Variants in DYNC2H1 observed in about 807,000 individuals in gnomAD.
DYNC2H1 encodes dynein cytoplasmic 2 heavy chain 1.
A neutral mutation model predicts 570.0 loss-of-function variants in DYNC2H1; 410 were observed. That is an observed-to-expected ratio of 0.72 (90% CI 0.66 to 0.78). The LOEUF (loss-of-function observed/expected upper bound fraction) is 0.78, where lower values mean the gene tolerates loss of function less well. Ranked by LOEUF, DYNC2H1 falls within the 30% of genes least tolerant of loss-of-function variation. The pLI is 0.00. For missense variants in DYNC2H1, 4,865 were observed against 5,046.4 expected (o/e 0.96, Z 1.09); for synonymous variants, 1,688 against 1,677.6 (o/e 1.01, Z -0.15).
intron 50 of DYNC2H1, 71 bp downstream of exon 50, chr11:103,200,225 G>T: frequency 1.7e-6 from 2 of 1,184,164 alleles, no homozygotes; most frequent in African/African-American, 1.6e-5. Flanking sequence ...AAATTATCTT[G>T]TGCAAAATTT....
intron 78 of DYNC2H1, among the ~76,000 whole-genome samples, chr11:103,309,443 G>T (rs1289343824): frequency 6.8e-6 from 1 of 147,882 alleles, no homozygotes; most frequent in Non-Finnish European, 1.5e-5. Context: ...CAATTCTCTT[G>T]TCTTGGCTTC....
Position 103,129,750 on chromosome 11 carries a change from A to G in DYNC2H1, c.1953+745A>G, listed in dbSNP as rs1166055109. Among the ~76,000 whole-genome samples, 3 of 152,208 alleles carry G rather than the reference A, an allele frequency of 2.0e-5. No homozygotes were observed. Among genetic ancestry groups the G allele is most frequent in the Non-Finnish European group, 4.4e-5 (3 of 68,010 alleles). Reference sequence around the variant, plus strand: ...CATAATAGCGTTTAAACTGAATGTTACTATGTGACTACTAACTTTTTGAAG... The same window carrying G: ...CATAATAGCGTTTAAACTGAATGTTGCTATGTGACTACTAACTTTTTGAAG... On this transcript the variant is annotated intron_variant, in intron 13 of 88. Transcript: ENST00000375735. This position sits in a 1 kb window ranked among gnomAD's most constrained non-coding sequence, Gnocchi z 4.1.
intron 53 of DYNC2H1, among the ~76,000 whole-genome samples, chr11:103,211,319 T>C (rs1863146062): frequency 6.6e-6 from 1 of 152,092 alleles, no homozygotes; most frequent in South Asian, 2.1e-4. Flanking sequence ...TGATCATGGA[T>C]ATATTGAATC....
In DYNC2H1 at chr11:103,189,405, C is replaced by T. The variant is rs191402255; in HGVS notation, c.7293-267C>T. On this transcript the variant is annotated intron_variant, in intron 44 of 88. Coordinates refer to ENST00000375735, the MANE Select transcript of DYNC2H1 (RefSeq NM_001377.3). This position sits in a 1 kb window ranked among gnomAD's most constrained non-coding sequence, Gnocchi z 4.3. ...AGTAAAATTTTCCTTTTGGTCTTTT[C>T]TGAAGATCAGTGATATGTTTTAACA... is the stretch of plus-strand genomic sequence containing the variant. Among the ~76,000 whole-genome samples, 682 of 152,162 alleles carry T rather than the reference C, an allele frequency of 4.5e-3. 3 individuals carry two copies. Among genetic ancestry groups the T allele is most frequent in the Middle Eastern group, 0.02 (6 of 294 alleles).
chr11:103,288,008 G>A (rs752667123), intron 75 of DYNC2H1, among the ~76,000 whole-genome samples: 24 of 152,244 alleles, frequency 1.6e-4, no homozygotes, highest in Admixed American at 3.9e-4. Context: ...GTGCTGATTG[G>A]TCAGGTTGGA....
intron 83 of DYNC2H1, among the ~76,000 whole-genome samples, chr11:103,390,683 G>T (rs982289584): frequency 8.5e-5 from 13 of 152,156 alleles, no homozygotes; most frequent in African/African-American, 3.1e-4. Flanking sequence ...GCTCTTGTAG[G>T]GCAGGCCCGG....
intron 31 of DYNC2H1, among the ~76,000 whole-genome samples, chr11:103,166,990 C>CATTTT (rs776490313): frequency 1.8e-5 from 1 of 56,992 alleles, no homozygotes; most frequent in Non-Finnish European, 3.0e-5. Flanking sequence ...GAGGCGCTGC[C>CATTTT]TTTTTTTTTT....
At chr11:103,238,666 C>T (rs886682032) in intron 63 of DYNC2H1, among the ~76,000 whole-genome samples, 8 of 152,048 alleles carry the variant, frequency 5.3e-5, no homozygotes, top group African/African-American at 1.7e-4. Context: ...CTAAGAAAGG[C>T]TTTTGTGTCT....
At chr11:103,282,089 A>G in intron 71 of DYNC2H1, 90 bp from the exon 72 acceptor site, 1 of 1,168,084 alleles carries the variant, frequency 8.6e-7, no homozygotes, top group Non-Finnish European at 1.2e-6. Context: ...AGAAAAATGC[A>G]TTTTAAGCCA....
chr11:103,302,791 G>A (rs912282484), intron 75 of DYNC2H1, among the ~76,000 whole-genome samples: 1 of 152,088 alleles, frequency 6.6e-6, no homozygotes, highest in African/African-American at 2.4e-5. Flanking sequence ...CTACAGGCCT[G>A]TATTGTGGTC....
rs1565444154 is a variant in DYNC2H1, at chr11:103,264,383, C to T, written c.10695+4406C>T. On this transcript the variant is annotated intron_variant, in intron 70 of 88. Transcript: ENST00000375735. This position sits in a 1 kb window ranked among gnomAD's most constrained non-coding sequence, Gnocchi z 4.8. ...GACCAGGATCATCATGATACCACAA[C>T]GTGGCAGAAACACAACAAAAAAAGA... 6.6e-6 allele frequency among the ~76,000 whole-genome samples: 1 copy of T among 152,126 alleles called. No homozygotes were observed. Among genetic ancestry groups the T allele is most frequent in the Non-Finnish European group, 1.5e-5 (1 of 68,026 alleles).
intron 75 of DYNC2H1, among the ~76,000 whole-genome samples, chr11:103,295,944 T>G (rs564904137): frequency 6.6e-6 from 1 of 152,316 alleles, no homozygotes; most frequent in East Asian, 1.9e-4. Flanking sequence ...CCGAGGTCTC[T>G]CTGGTCCTCC....
intron 69 of DYNC2H1, among the ~76,000 whole-genome samples, chr11:103,258,189 GA>G (rs1441605163): frequency 1.3e-5 from 2 of 152,150 alleles, no homozygotes; most frequent in African/African-American, 4.8e-5. Context: ...CTAATGGAGG[GA>G]AGTATGTATT....
intron 83 of DYNC2H1, among the ~76,000 whole-genome samples, chr11:103,361,065 A>G (rs2135532129): frequency 6.6e-6 from 1 of 152,298 alleles, no homozygotes. Flanking sequence ...AACTGAAAGG[A>G]TGTCAGTGTG....
chr11:103,153,652 A>G (rs1380266409), intron 22 of DYNC2H1, 144 bp downstream of exon 22: 2 of 800,276 alleles, frequency 2.5e-6, no homozygotes, highest in Admixed American at 6.0e-5. Context: ...AAGCATTCAT[A>G]TACTGTTGTC....
Position 103,274,147 on chromosome 11 carries a change from T to C in DYNC2H1, c.10696-6201T>C, listed in dbSNP as rs527978857. Among the ~76,000 whole-genome samples, 1,316 of 148,416 alleles carry C rather than the reference T, an allele frequency of 8.9e-3. 14 individuals are homozygous for C. The highest frequency in any genetic ancestry group is 0.032 in the African/African-American group (1,246 of 38,362). On this transcript the variant is annotated intron_variant, in intron 70 of 88. Transcript: ENST00000375735. ...TTGTGTGTGTGTGTATATATATATATACACACACATATATATATATCTGTG... is the reference window on the plus strand; with the variant it reads ...TTGTGTGTGTGTGTATATATATATACACACACACATATATATATATCTGTG...
chr11:103,316,579 A>G lies in DYNC2H1; in HGVS notation c.11684A>G (p.Asp3895Gly). 6.4e-7 allele frequency: 1 copy of G among 1,561,676 alleles called. No homozygotes were observed. The highest frequency in any genetic ancestry group is 8.7e-7 in the Non-Finnish European group (1 of 1,154,606). Residue 3895 changes from aspartate to glycine, a missense_variant, in exon 80 of 89, where the codon GAT becomes GGT. By Grantham distance (94) the Asp-to-Gly change is moderately conservative. Transcript: ENST00000375735. ...WTKFYEFSLS[D>G]LRAGYNIIDR... ...AAGTTTTATGAATTTTCTTTATCAG[A>G]TCTTCGGGCTGGGTACAACATTATT...
chr11:103,144,407 C>T (rs1373107101), intron 18 of DYNC2H1, among the ~76,000 whole-genome samples: 1 of 152,072 alleles, frequency 6.6e-6, no homozygotes, highest in East Asian at 1.9e-4. Context: ...TAAAACTGAA[C>T]TAAAACTATG....
rs1457354390 is a variant in DYNC2H1, at chr11:103,151,247, C to T, written c.2947-889C>T. Among the ~76,000 whole-genome samples the T allele has an allele frequency of 6.6e-6, 1 of 152,050 alleles. No homozygotes were observed. The highest frequency in any genetic ancestry group is 1.9e-4 in the East Asian group (1 of 5,188). On this transcript the variant is annotated intron_variant, in intron 20 of 88. Coordinates refer to ENST00000375735, the MANE Select transcript of DYNC2H1 (RefSeq NM_001377.3). This position sits in a 1 kb window ranked among gnomAD's most constrained non-coding sequence, Gnocchi z 4.6. Reference sequence around the variant, plus strand: ...CTCAGTAGCTAGGAGTACAGGTGTGCACCACCATGCCCAGTTAATTTTTAA... The same window carrying T: ...CTCAGTAGCTAGGAGTACAGGTGTGTACCACCATGCCCAGTTAATTTTTAA...
Sources: gnomAD v4.1 joint callset for allele counts (sites outside exome capture counted in the v4.1 genomes callset) on GRCh38, gnomAD v4.1.1 for gene constraint, Gnocchi (gnomAD v3.1) non-coding constraint, MANE v1.5 for transcripts, NCBI Gene and HGNC (gene_info 2026-07-23, HGNC 2026-07-21) for gene names.